The following MYT1L variants were observed in gnomAD, a reference collection of about 807,000 sequenced individuals.
MYT1L encodes myelin transcription factor 1 like, also known as myelin transcription factor 1-like protein.
MYT1L carries 12 observed loss-of-function variants against 126.7 expected under a neutral mutation model. The ratio of observed to expected loss-of-function variants is 0.09; its 90% CI spans 0.06 to 0.15. The LOEUF is 0.15. Ranked by LOEUF, MYT1L falls within the 10% of genes least tolerant of loss-of-function variation. MYT1L has a pLI of 1.00. For synonymous variants in MYT1L, 541 were observed against 604.2 expected (o/e 0.90, Z 1.53); for missense variants, 979 against 1,585.2 (o/e 0.62, Z 6.49).
intron 2 of MYT1L, among the ~76,000 whole-genome samples, chr2:2,236,283 C>T (rs2094301325): frequency 7.0e-6 from 1 of 143,818 alleles, no homozygotes; most frequent in African/African-American, 2.6e-5. Context: ...CCAACCCAGC[C>T]CAGCATATCC....
chr2:1,955,013 G>A (rs35441282), intron 8 of MYT1L, among the ~76,000 whole-genome samples: 6,578 of 151,954 alleles, frequency 0.043, 157 homozygotes, highest in African/African-American at 0.063. Context: ...TTAGCCGGGC[G>A]TCGTGGCATG....
intron 14 of MYT1L, among the ~76,000 whole-genome samples, chr2:1,893,500 C>T (rs972836299): frequency 1.3e-5 from 2 of 152,150 alleles, no homozygotes; most frequent in African/African-American, 4.8e-5. Context: ...CACTCTAGCC[C>T]GGGTTCTCCT....
chr2:2,286,966 CACACACAG>C (rs1466556307), intron 1 of MYT1L, among the ~76,000 whole-genome samples: 3 of 152,176 alleles, frequency 2.0e-5, no homozygotes, highest in Non-Finnish European at 4.4e-5. Flanking sequence ...CACACAGACA[CACACACAG>C]ACAAACACAC....
intron 3 of MYT1L, among the ~76,000 whole-genome samples, chr2:2,143,770 T>C (rs1280774926): frequency 1.3e-5 from 2 of 152,084 alleles, no homozygotes; most frequent in African/African-American, 2.4e-5. Context: ...TGACATGGAA[T>C]ACTATGCAGC....
rs1324890288 is a variant in MYT1L, at chr2:2,327,365, G to A, written c.-521+3602C>T. 2.0e-5 allele frequency among the ~76,000 whole-genome samples: 3 copies of A among 152,120 alleles called. No individual in the cohort carries two copies. The East Asian group carries it at 5.8e-4, about 29-fold the overall frequency. On this transcript the variant is annotated intron_variant, in intron 1 of 24. Transcript: ENST00000647738. The stretch of plus-strand genomic sequence containing the variant: ...GTGTTGTGTTGTGGTACAGAATACA[G>A]TATGATGAAACTTAGCTTGGTGAAA...
chr2:2,222,621 C>T (rs2093909589), intron 2 of MYT1L, among the ~76,000 whole-genome samples: 1 of 151,884 alleles, frequency 6.6e-6, no homozygotes, highest in Non-Finnish European at 1.5e-5. Context: ...TTGCCTGGTT[C>T]CTTTTTTGGC....
chr2:2,140,326 G>C (rs1338079569), intron 3 of MYT1L, among the ~76,000 whole-genome samples: 1 of 150,254 alleles, frequency 6.7e-6, no homozygotes, highest in Non-Finnish European at 1.5e-5. Context: ...TATTCCAATT[G>C]TTTTTGTTAA....
chr2:2,288,574 T>G (rs1037137797), intron 1 of MYT1L, among the ~76,000 whole-genome samples: 2 of 152,250 alleles, frequency 1.3e-5, no homozygotes, highest in African/African-American at 4.8e-5. Context: ...TTGATCATTA[T>G]GTATTGATTG....
intron 1 of MYT1L, among the ~76,000 whole-genome samples, chr2:2,316,512 T>C (rs1294376041): frequency 6.6e-6 from 1 of 152,196 alleles, no homozygotes; most frequent in Non-Finnish European, 1.5e-5. Context: ...TGCCAAGCCA[T>C]GTTAATGGCA....
chr2:1,886,027 A>G (rs1573225470), intron 18 of MYT1L, among the ~76,000 whole-genome samples: 1 of 152,240 alleles, frequency 6.6e-6, no homozygotes, highest in East Asian at 1.9e-4. Flanking sequence ...GTTGAATTCC[A>G]TGACTCTCCG....
At chr2:2,160,101 C>T (rs528322980) in intron 3 of MYT1L, among the ~76,000 whole-genome samples, 1 of 152,030 alleles carries the variant, frequency 6.6e-6, no homozygotes, top group Non-Finnish European at 1.5e-5. Flanking sequence ...AGAAGTTTAA[C>T]GAGGTAATAC....
intron 9 of MYT1L, among the ~76,000 whole-genome samples, chr2:1,927,816 T>C (rs1461225302): frequency 1.3e-5 from 2 of 152,206 alleles, no homozygotes; most frequent in African/African-American, 4.8e-5. Context: ...GTTACATAAA[T>C]AAATCAATAT....
At chr2:1,933,950 G>C (rs1018062892) in intron 9 of MYT1L, among the ~76,000 whole-genome samples, 5 of 151,808 alleles carry the variant, frequency 3.3e-5, no homozygotes, top group African/African-American at 1.2e-4. Flanking sequence ...AGTTCAGAGG[G>C]AGCTGGGCTC....
At chr2:2,217,685 CAACAACAA>C (rs2093719547) in intron 2 of MYT1L, among the ~76,000 whole-genome samples, 2 of 79,632 alleles carry the variant, frequency 2.5e-5, no homozygotes, top group Non-Finnish European at 4.9e-5. Flanking sequence ...ACAACAACAA[CAACAACAA>C]CAACAACAAC....
At chr2:1,960,290 G>A (rs760113777) in intron 8 of MYT1L, among the ~76,000 whole-genome samples, 17 of 152,310 alleles carry the variant, frequency 1.1e-4, no homozygotes, top group Non-Finnish European at 2.4e-4. Flanking sequence ...ATGTGGACTA[G>A]ACCTGGAAGA....
At chr2:1,999,943 T>C (rs978117745) in intron 4 of MYT1L, among the ~76,000 whole-genome samples, 1 of 152,236 alleles carries the variant, frequency 6.6e-6, no homozygotes, top group African/African-American at 2.4e-5. Flanking sequence ...AAAGTTGTCA[T>C]ATAAAGCATG....
At chr2:2,200,720 T>C (rs1337447702) in intron 2 of MYT1L, among the ~76,000 whole-genome samples, 1 of 152,208 alleles carries the variant, frequency 6.6e-6, no homozygotes, top group Non-Finnish European at 1.5e-5. Flanking sequence ...CACATTTTTC[T>C]ACTCTTCTGA....
intron 9 of MYT1L, among the ~76,000 whole-genome samples, chr2:1,924,523 C>T (rs1205743036): frequency 6.6e-6 from 1 of 152,120 alleles, no homozygotes; most frequent in Non-Finnish European, 1.5e-5. Context: ...GATATGGGGG[C>T]TCTGGTGTTT....
At chr2:2,313,385 G>C (rs539606886) in intron 1 of MYT1L, among the ~76,000 whole-genome samples, 2 of 152,162 alleles carry the variant, frequency 1.3e-5, no homozygotes, top group African/African-American at 4.8e-5. Flanking sequence ...GGCTTCAGGA[G>C]TCAGTCTCTG....
Sources: gnomAD v4.1 joint callset for allele counts (sites outside exome capture counted in the v4.1 genomes callset) on GRCh38, gnomAD v4.1.1 for gene constraint, MANE v1.5 for transcripts, NCBI Gene and HGNC (gene_info 2026-07-23, HGNC 2026-07-21) for gene names.